Variants in ZCCHC10 observed in about 807,000 individuals in gnomAD.
The protein encoded by ZCCHC10 is zinc finger CCHC domain-containing protein 10.
In ZCCHC10, 16 loss-of-function variants were observed where a neutral mutation model predicts 19.5. The observed-to-expected ratio is 0.82, with a 90% confidence interval of 0.56 to 1.25. The LOEUF is 1.25. ZCCHC10 is among the 50% of genes most tolerant of loss of function. ZCCHC10 has a pLI of 0.00. For missense variants in ZCCHC10, 197 were observed against 201.0 expected, an observed-to-expected ratio of 0.98 and a Z score of 0.12; for synonymous variants, 67 against 72.5, an observed-to-expected ratio of 0.92 and a Z score of 0.38.
At chr5:133,007,546 A>C (rs1763202460) in intron 2 of ZCCHC10, among the ~76,000 whole-genome samples, 1 of 65,892 alleles carries the variant, frequency 1.5e-5, no homozygotes, top group South Asian at 3.2e-4. Context: ...CCGTCTCACA[A>C]AAAAAAAAAA....
At chr5:133,010,752 T>C (rs1419510105) in intron 2 of ZCCHC10, among the ~76,000 whole-genome samples, 1 of 152,084 alleles carries the variant, frequency 6.6e-6, no homozygotes, top group Admixed American at 6.6e-5. Flanking sequence ...ATTACAGGCA[T>C]GAATCACTGC....
At chr5:133,006,182 A>C (rs1581387353) in intron 3 of ZCCHC10, among the ~76,000 whole-genome samples, 1 of 147,078 alleles carries the variant, frequency 6.8e-6, no homozygotes, top group Non-Finnish European at 1.5e-5. Context: ...ATGGAATTTC[A>C]CCATGTTGGC....
rs527362406 is a variant in ZCCHC10 at position 132,998,379 on chromosome 5, A to G, written c.*204T>C. The G allele has an allele frequency of 7.1e-4, 350 of 496,378 alleles. 6 individuals carry two copies. Among genetic ancestry groups the G allele is most frequent in the Admixed American group, 2.5e-4 (7 of 27,766 alleles). The allele number at this position is 496,378 out of a possible 1,614,324, so 30.7% of individuals were successfully genotyped here. ...GAGATATATTTTAAAGATAAAAAAA[A>G]CAAGATTCACCCTTCAAATAAAAGT... On this transcript the variant is annotated 3_prime_UTR_variant, in exon 5 of 5. Transcript: ENST00000509437.
chr5:133,018,939 G>A (rs184563551), intron 2 of ZCCHC10: 162 of 343,810 alleles, frequency 4.7e-4, no homozygotes, highest in African/African-American at 2.8e-3. Flanking sequence ...TGGCGGTGGG[G>A]GTCCATAGTC....
At chr5:133,014,771 G>C (rs890422553) in intron 2 of ZCCHC10, among the ~76,000 whole-genome samples, 1 of 152,162 alleles carries the variant, frequency 6.6e-6, no homozygotes, top group Admixed American at 6.5e-5. Context: ...ACACAGCTTC[G>C]CCCAGAGTGA....
chr5:133,013,050 C>CCAAG (rs1763664815), intron 2 of ZCCHC10, among the ~76,000 whole-genome samples: 1 of 100,338 alleles, frequency 1.0e-5, no homozygotes, highest in Non-Finnish European at 2.0e-5. Context: ...GACTCCGTCT[C>CCAAG]AAAAAAAAAT....
At chr5:133,014,519 T>C (rs963846573) in intron 2 of ZCCHC10, among the ~76,000 whole-genome samples, 5 of 152,198 alleles carry the variant, frequency 3.3e-5, no homozygotes, top group Non-Finnish European at 5.9e-5. Context: ...ACGTCCCGTA[T>C]AGCAAATTCA....
At chr5:133,020,622 TAAA>T (rs144162284) in intron 2 of ZCCHC10, among the ~76,000 whole-genome samples, 23 of 124,708 alleles carry the variant, frequency 1.8e-4, no homozygotes, top group Admixed American at 4.3e-4. Flanking sequence ...AGCCTGTCTT[TAAA>T]AAAAAAAAAA....
intron 2 of ZCCHC10, among the ~76,000 whole-genome samples, chr5:133,013,330 A>T (rs1179214715): frequency 6.6e-6 from 1 of 151,788 alleles, no homozygotes; most frequent in East Asian, 1.9e-4. Flanking sequence ...ATTCATTAGT[A>T]ATCAAAGAAA....
At chr5:133,015,077 GTTTTTTTTTTT>G (rs35057432) in intron 2 of ZCCHC10, among the ~76,000 whole-genome samples, 1 of 128,786 alleles carries the variant, frequency 7.8e-6, no homozygotes, top group East Asian at 2.2e-4. Flanking sequence ...CCACTGTGAG[GTTTTTTTTTTT>G]TTTTTTTTGA....
intron 2 of ZCCHC10, among the ~76,000 whole-genome samples, chr5:133,016,040 C>G (rs577799176): frequency 1.3e-5 from 2 of 152,288 alleles, no homozygotes; most frequent in South Asian, 2.1e-4. Flanking sequence ...CTCCTTCAAG[C>G]TGGATTATGT....
At chr5:132,998,951 T>G in intron 4 of ZCCHC10, 101 bp from the exon 5 acceptor site, 1 of 1,473,212 alleles carries the variant, frequency 6.8e-7, no homozygotes, top group South Asian at 1.3e-5. Context: ...AGTCTTGCTC[T>G]GTTGCCCAGT....
At chr5:133,007,054 C>A (rs1346737033) in intron 2 of ZCCHC10, 134 bp from the exon 3 acceptor site, 2 of 873,492 alleles carry the variant, frequency 2.3e-6, no homozygotes, top group African/African-American at 3.4e-5. Context: ...ACATTTTACC[C>A]TTGTGAGATT....
At chr5:133,024,228 TTGGTTTTGCCAA>T (rs1324289459) in intron 1 of ZCCHC10, among the ~76,000 whole-genome samples, 2 of 152,348 alleles carry the variant, frequency 1.3e-5, no homozygotes, top group East Asian at 3.9e-4. Flanking sequence ...AAAGTGGACA[TTGGTTTTGCCAA>T]TCCTGCATTC....
chr5:133,022,899 T>G lies in ZCCHC10; in HGVS notation c.49A>C (p.Thr17Pro), dbSNP rs559429447. The G allele has an allele frequency of 2.3e-5, 14 of 596,844 alleles. No individual in the cohort carries two copies. In the South Asian group the frequency reaches 2.6e-4, roughly 11 times the overall value. 37.0% of individuals were successfully genotyped at this position (596,844 alleles called of 1,614,324 possible). Residue 17 changes from threonine to proline, a missense_variant, in exon 2 of 5, where the codon ACA (threonine) becomes CCA (proline). Physicochemically the swap from Thr to Pro is conservative, Grantham distance 38. Coordinates refer to ENST00000509437, the MANE Select transcript of ZCCHC10 (RefSeq NM_001300816.3). Reference protein sequence around the residue: ...RLIARRQAFDTELQPVKTFWI... With the variant: ...RLIARRQAFDPELQPVKTFWI... ...AAGGTCTTGACAGGCTGCAACTCTG[T>G]GTCGAATCTAACAAGATGAAATTTA...
chr5:133,025,426 C>T (rs1481483168), intron 1 of ZCCHC10, among the ~76,000 whole-genome samples: 2 of 147,950 alleles, frequency 1.4e-5, no homozygotes, highest in African/African-American at 5.0e-5. Context: ...ACGGCGTGAA[C>T]CCGGGGGGCG....
chr5:133,019,717 G>A (rs1764169245), intron 2 of ZCCHC10, among the ~76,000 whole-genome samples: 1 of 151,530 alleles, frequency 6.6e-6, no homozygotes, highest in Non-Finnish European at 1.5e-5. Flanking sequence ...CACTTTGGGA[G>A]GCGAAGGCGG....
chr5:133,012,224 T>C (rs1302941440), intron 2 of ZCCHC10, among the ~76,000 whole-genome samples: 1 of 149,822 alleles, frequency 6.7e-6, no homozygotes, highest in African/African-American at 2.5e-5. Flanking sequence ...TCCCAGCACC[T>C]TGGAAGGTTG....
chr5:133,002,818 CAAGCAATTTTCCTGTCTCAGCCTCCTG>C (rs773258028), intron 3 of ZCCHC10, among the ~76,000 whole-genome samples: 1,979 of 152,040 alleles, frequency 0.013, 19 homozygotes, highest in Non-Finnish European at 0.021. Flanking sequence ...CTCCTGGGTT[CAAGCAATTTTCCTGTCTCAGCCTCCTG>C]AGTAGCTGGG....
Sources: allele counts gnomAD v4.1 joint callset (sites outside exome capture counted in the v4.1 genomes callset), GRCh38; gene constraint gnomAD v4.1.1; transcripts MANE v1.5; gene names NCBI Gene and HGNC (gene_info 2026-07-23, HGNC 2026-07-21).